Variants in DHX57 observed in about 807,000 individuals in gnomAD.
DHX57 encodes DExH-box helicase 57, also known as putative ATP-dependent RNA helicase DHX57.
DHX57 carries 105 observed loss-of-function variants against 156.2 expected under a neutral mutation model. The ratio of observed to expected loss-of-function variants is 0.67; its 90% CI spans 0.57 to 0.79. The LOEUF (loss-of-function observed/expected upper bound fraction) is 0.79, where lower values mean the gene tolerates loss of function less well. DHX57 is among the 30% of genes least tolerant of loss of function. The pLI, the probability that DHX57 is intolerant of heterozygous loss-of-function variation, is 0.00. For missense variants in DHX57, 1,847 were observed against 1,661.9 expected (o/e 1.11, Z -1.94); for synonymous variants, 704 against 595.6 (o/e 1.18, Z -2.65).
At position 38,863,519 on chromosome 2, in the gene DHX57, T is replaced by A; in HGVS notation, c.225A>T (p.Arg75Ser). ...CIFSESRRPS[R>S]PSNSNISKGE... ...CTTTGCTTATGTTACTGTTGCTAGG[T>A]CTATAGAGAACAAAAGAGCAAAATT... The change falls in exon 3 of 24, where the codon AGA becomes AGT. Residue 75 changes from arginine to serine, a missense_variant and splice_region_variant. Transcript: ENST00000457308. 6.2e-7 allele frequency: 1 copy of A among 1,609,204 alleles called. No individual in the cohort carries two copies. The highest frequency in any genetic ancestry group is 8.5e-7 in the Non-Finnish European group (1 of 1,178,858).
intron 2 of DHX57, 44 bp downstream of exon 2, chr2:38,868,138 T>A (rs368494414): frequency 6.2e-7 from 1 of 1,603,664 alleles, no homozygotes; most frequent in African/African-American, 1.3e-5. Flanking sequence ...ACATTAGGGG[T>A]TGATACCATT....
chr2:38,799,235 G>A (rs1176792910), intron 23 of DHX57, among the ~76,000 whole-genome samples: 1 of 151,364 alleles, frequency 6.6e-6, no homozygotes, highest in East Asian at 2.0e-4. Context: ...GGATGGTGGT[G>A]CATGCCTATA....
At chr2:38,804,348 G>A (rs1175439683) in intron 22 of DHX57, among the ~76,000 whole-genome samples, 2 of 152,048 alleles carry the variant, frequency 1.3e-5, no homozygotes, top group Non-Finnish European at 2.9e-5. Flanking sequence ...AAATTAGCTG[G>A]GAGCGATGAC....
chr2:38,826,780 G>A lies in DHX57; in HGVS notation c.2640-91C>T. ...GAATTTCTACTAAAACCAACAATAT[G>A]ACTTCAGGTATTAGCAACTTCTCCA... On this transcript the variant is annotated intron_variant, in intron 14 of 23. Coordinates refer to ENST00000457308, the MANE Select transcript of DHX57 (RefSeq NM_198963.3). The A allele has an allele frequency of 2.9e-6, 4 of 1,384,246 alleles. No individual in the cohort carries two copies. The South Asian group carries it at 4.1e-5, about 14-fold the overall frequency. 85.7% of individuals were successfully genotyped at this position (1,384,246 alleles called of 1,614,324 possible). A position where few individuals can be genotyped will look rare whatever the true frequency, so the allele number is the denominator to read the frequency against.
intron 16 of DHX57, among the ~76,000 whole-genome samples, chr2:38,825,383 A>C (rs1365801402): frequency 6.6e-6 from 1 of 151,864 alleles, no homozygotes; most frequent in Non-Finnish European, 1.5e-5. Flanking sequence ...GCTCACTGCA[A>C]CCTCTGCCTC....
chr2:38,871,778 C>G (rs1379101553), intron 1 of DHX57, among the ~76,000 whole-genome samples: 2 of 151,098 alleles, frequency 1.3e-5, no homozygotes, highest in Admixed American at 1.3e-4. Context: ...GTGGTCTCAG[C>G]TTACTGCAAG....
At chr2:38,848,898 T>A (rs557941141) in intron 9 of DHX57, among the ~76,000 whole-genome samples, 14 of 152,330 alleles carry the variant, frequency 9.2e-5, no homozygotes, top group African/African-American at 3.4e-4. Context: ...TTATTTCTGA[T>A]TTTTGGATTA....
chr2:38,809,027 C>A (rs908143098), intron 21 of DHX57, among the ~76,000 whole-genome samples: 4 of 152,168 alleles, frequency 2.6e-5, no homozygotes, highest in Non-Finnish European at 5.9e-5. Flanking sequence ...AACTCCTGGG[C>A]TACAGTGATC....
chr2:38,860,363 C>T (rs544030429), intron 5 of DHX57, among the ~76,000 whole-genome samples: 5 of 152,088 alleles, frequency 3.3e-5, no homozygotes, highest in African/African-American at 9.7e-5. Flanking sequence ...GCAGGAGAAT[C>T]GCTTGAACCT....
intron 13 of DHX57, among the ~76,000 whole-genome samples, chr2:38,834,040 T>G (rs1473342717): frequency 6.6e-6 from 1 of 152,088 alleles, no homozygotes; most frequent in Non-Finnish European, 1.5e-5. Flanking sequence ...AAATGCAGTA[T>G]TAAATCAGGC....
intron 12 of DHX57, among the ~76,000 whole-genome samples, chr2:38,838,580 A>C (rs1671809763): frequency 6.6e-6 from 1 of 152,200 alleles, no homozygotes; most frequent in Admixed American, 6.5e-5. Context: ...CTGGAAACAA[A>C]ATTCAACGTC....
chr2:38,803,697 C>T (rs1302140717), intron 22 of DHX57, among the ~76,000 whole-genome samples: 1 of 151,496 alleles, frequency 6.6e-6, no homozygotes, highest in East Asian at 1.9e-4. Flanking sequence ...TCATGCTGGC[C>T]AGGCTGTTCT....
intron 22 of DHX57, 132 bp from the exon 23 acceptor site, chr2:38,803,047 G>C (rs1669771271): frequency 1.1e-6 from 1 of 884,830 alleles, no homozygotes; most frequent in Non-Finnish European, 1.7e-6. Flanking sequence ...TGACTTTCCT[G>C]AGCTCCAGAT....
In DHX57 at chr2:38,843,092, A is replaced by G. The variant is rs1331098164; in HGVS notation, c.2338T>C (p.Ser780Pro). The G allele has an allele frequency of 6.2e-7, 1 of 1,614,202 alleles. No individual in the cohort carries two copies. ...GAATCCTGATCCTGGAGGTGAAGGG[A>G]GAGCCTTAGGTCTTCTTCCACTTCT... ...FEEVEEDLRL[S>P]LHLQDQDSVK... The change falls in exon 12 of 24, where the codon TCC becomes CCC. Residue 780 changes from serine to proline, a missense_variant. Ser to Pro is a moderately conservative substitution (Grantham distance 74). Transcript: ENST00000457308.
chr2:38,847,858 C>T (rs939406859), intron 10 of DHX57, among the ~76,000 whole-genome samples: 6 of 152,058 alleles, frequency 3.9e-5, no homozygotes, highest in Non-Finnish European at 4.4e-5. Context: ...CCGAGGCGGG[C>T]AGATCGTGAG....
intron 16 of DHX57, 124 bp downstream of exon 16, chr2:38,825,723 A>T: frequency 2.1e-6 from 2 of 944,052 alleles, no homozygotes; most frequent in South Asian, 1.6e-5. Flanking sequence ...TTCACAAATA[A>T]ATGAGATTAT....
In DHX57 at chr2:38,868,367, T is replaced by G; in HGVS notation, c.39A>C (p.Lys13Asn). Residue 13 changes from lysine (K) to asparagine (N), a missense_variant, in exon 2 of 24, where the codon AAA becomes AAC. Lys to Asn is a moderately conservative substitution (Grantham distance 94, BLOSUM62 0). Transcript: ENST00000457308. Reference sequence around the variant, plus strand: ...CTCTAGAAGACCCTTTTCCACCTCCTTTGCCTGGCTTGCCTTTTCTTCTTA... The same window carrying G: ...CTCTAGAAGACCCTTTTCCACCTCCGTTGCCTGGCTTGCCTTTTCTTCTTA... ...SSVRRKGKPG[K>N]GGGKGSSRGG... is the part of the protein sequence containing the mutation. 2.5e-6 allele frequency: 4 copies of G among 1,613,472 alleles called. No individual in the cohort carries two copies. The South Asian group carries it at 3.3e-5, about 13-fold the overall frequency.
At chr2:38,801,665 G>A (rs1026204387) in intron 23 of DHX57, among the ~76,000 whole-genome samples, 1 of 152,006 alleles carries the variant, frequency 6.6e-6, no homozygotes, top group Non-Finnish European at 1.5e-5. Flanking sequence ...CGCAATCTCG[G>A]CTCACTGCAA....
chr2:38,856,419 G>C lies in DHX57; in HGVS notation c.1630C>G (p.Leu544Val). The change falls in exon 7 of 24, where the codon CTC (leucine) becomes GTC (valine). Residue 544 changes from leucine (L) to valine (V), a missense_variant. Coordinates refer to ENST00000457308, the MANE Select transcript of DHX57 (RefSeq NM_198963.3). ...GTTTCTCTTTCTTCCCAAGCAGGGA[G>C]TGATTGCCTCTCTTGCAGAATGGAC... ...FQSILQERQS[L>V]PAWEERETIL... 6.2e-7 allele frequency: 1 copy of C among 1,613,638 alleles called. No homozygotes were observed. Among genetic ancestry groups the C allele is most frequent in the Non-Finnish European group, 8.5e-7 (1 of 1,179,832 alleles).
Sources: gnomAD v4.1 joint callset for allele counts (sites outside exome capture counted in the v4.1 genomes callset) on GRCh38, gnomAD v4.1.1 for gene constraint, MANE v1.5 for transcripts, NCBI Gene and HGNC (gene_info 2026-07-23, HGNC 2026-07-21) for gene names.